PARD3B: variants seen among roughly 807,000 people sequenced by gnomAD.
PARD3B encodes par-3 family cell polarity regulator beta, also known as partitioning defective 3 homolog B.
Under a neutral mutation model 130.2 loss-of-function variants are expected in PARD3B, and 103 were observed. That is an observed-to-expected ratio of 0.79 (90% confidence interval 0.67 to 0.93). The LOEUF (loss-of-function observed/expected upper bound fraction) is 0.93, where lower values mean the gene tolerates loss of function less well. PARD3B is among the 40% of genes least tolerant of loss of function. The pLI is 0.00. For synonymous variants in PARD3B, 583 were observed against 553.2 expected, an observed-to-expected ratio of 1.05 and a Z score of -0.76; for missense variants, 1,609 against 1,499.2, an observed-to-expected ratio of 1.07 and a Z score of -1.21.
chr2:204,750,678 A>ATC (rs1156553038), intron 2 of PARD3B, among the ~76,000 whole-genome samples: 1 of 152,118 alleles, frequency 6.6e-6, no homozygotes, highest in East Asian at 1.9e-4. Context: ...TCATGGTGTC[A>ATC]TCTCATTTCC....
At chr2:205,390,034 A>G (rs539542576) in intron 18 of PARD3B, among the ~76,000 whole-genome samples, 1 of 152,138 alleles carries the variant, frequency 6.6e-6, no homozygotes, top group African/African-American at 2.4e-5. Flanking sequence ...TTTTAATAAC[A>G]GTTTCAAACT....
intron 15 of PARD3B, among the ~76,000 whole-genome samples, chr2:205,231,117 C>T (rs775898126): frequency 2.6e-5 from 4 of 151,926 alleles, no homozygotes; most frequent in Admixed American, 6.6e-5. Flanking sequence ...GATCACTCAC[C>T]TGATTTTTGG....
At chr2:205,115,945 T>G (rs917493760) in intron 6 of PARD3B, among the ~76,000 whole-genome samples, 1 of 152,192 alleles carries the variant, frequency 6.6e-6, no homozygotes, top group African/African-American at 2.4e-5. Flanking sequence ...TTATTTTTTT[T>G]TCTTTTAGAA....
intron 2 of PARD3B, among the ~76,000 whole-genome samples, chr2:204,788,404 G>T (rs550490689): frequency 6.6e-6 from 1 of 152,294 alleles, no homozygotes; most frequent in South Asian, 2.1e-4. Context: ...ATGACAAGCT[G>T]CCTGTTACTC....
intron 2 of PARD3B, among the ~76,000 whole-genome samples, chr2:204,845,634 G>C (rs2044431018): frequency 6.6e-6 from 1 of 152,038 alleles, no homozygotes; most frequent in African/African-American, 2.4e-5. Flanking sequence ...CAGTATAAGA[G>C]TATGGCTGAT....
chr2:204,885,791 C>G (rs1192157943), intron 2 of PARD3B, among the ~76,000 whole-genome samples: 1 of 152,052 alleles, frequency 6.6e-6, no homozygotes, highest in Non-Finnish European at 1.5e-5. Flanking sequence ...GGTGATAACC[C>G]TGAATATTTG....
At chr2:204,863,728 A>G (rs2045304657) in intron 2 of PARD3B, among the ~76,000 whole-genome samples, 1 of 152,232 alleles carries the variant, frequency 6.6e-6, no homozygotes, top group African/African-American at 2.4e-5. Context: ...TGGGATAAGC[A>G]TGGATCTCAA....
At chr2:204,862,959 C>A (rs2125631518) in intron 2 of PARD3B, among the ~76,000 whole-genome samples, 1 of 152,330 alleles carries the variant, frequency 6.6e-6, no homozygotes, top group Non-Finnish European at 1.5e-5. Context: ...ACAGGCTCCT[C>A]CCAACTGCAA....
chr2:204,604,116 G>A (rs1420688474), intron 1 of PARD3B, among the ~76,000 whole-genome samples: 1 of 152,146 alleles, frequency 6.6e-6, no homozygotes, highest in African/African-American at 2.4e-5. Context: ...TTTGTCATTA[G>A]TGACCTCGTT....
In PARD3B at chr2:204,941,011, G is replaced by A. The variant is rs549642966; in HGVS notation, c.223-24141G>A. Among the ~76,000 whole-genome samples the A allele has an allele frequency of 5.9e-5, 9 of 152,274 alleles. No individual in the cohort carries two copies. The South Asian group carries it at 1.0e-3, about 18-fold the overall frequency. On this transcript the variant is annotated intron_variant, in intron 2 of 22. Transcript: ENST00000406610. ...GTTGATGGAGTAGCAGATATTCAGT[G>A]TTGTATGTTCTATTCAATTAACGTG...
At chr2:205,072,500 C>T (rs1437428391) in intron 4 of PARD3B, among the ~76,000 whole-genome samples, 3 of 152,112 alleles carry the variant, frequency 2.0e-5, no homozygotes, top group Admixed American at 6.5e-5. Flanking sequence ...ATCTACCCAC[C>T]GTGGCCTCCC....
At chr2:204,747,094 G>A (rs2040265244) in intron 2 of PARD3B, among the ~76,000 whole-genome samples, 1 of 151,950 alleles carries the variant, frequency 6.6e-6, no homozygotes, top group East Asian at 1.9e-4. Context: ...TTTCTTCTAG[G>A]GTTTTTATGG....
chr2:204,950,202 C>G (rs564682330), intron 2 of PARD3B, among the ~76,000 whole-genome samples: 36 of 152,284 alleles, frequency 2.4e-4, no homozygotes, highest in Middle Eastern at 3.4e-3. Context: ...ACCTGCCCCC[C>G]TCCCCATTTT....
rs2030831823 is a variant in PARD3B, at chr2:205,122,226, A to G, written c.1165+277A>G. ...CCTGATATCAACAGAGCAATATTGTATTACAACTTAATACCAAATAGGCAT... is the reference window on the plus strand; with the variant it reads ...CCTGATATCAACAGAGCAATATTGTGTTACAACTTAATACCAAATAGGCAT... On this transcript the variant is annotated intron_variant, in intron 8 of 22. Transcript: ENST00000406610. This position sits in a 1 kb window ranked among gnomAD's most constrained non-coding sequence, Gnocchi z 4.3. Among the ~76,000 whole-genome samples, 1 of 152,224 alleles carries G rather than the reference A, an allele frequency of 6.6e-6. No individual in the cohort carries two copies. The highest frequency in any genetic ancestry group is 6.5e-5 in the Admixed American group (1 of 15,286).
At chr2:205,606,184 G>A (rs756118600) in intron 22 of PARD3B, among the ~76,000 whole-genome samples, 4 of 151,626 alleles carry the variant, frequency 2.6e-5, no homozygotes. Context: ...GCAGTCTGCA[G>A]CCAAGTGGCC....
chr2:205,442,569 G>A (rs779231393), intron 20 of PARD3B, among the ~76,000 whole-genome samples: 1 of 152,070 alleles, frequency 6.6e-6, no homozygotes, highest in Admixed American at 6.5e-5. Context: ...CCAAAGTGCT[G>A]GGATTTGAGG....
At chr2:205,219,944 C>G (rs1422601713) in intron 15 of PARD3B, among the ~76,000 whole-genome samples, 1 of 152,054 alleles carries the variant, frequency 6.6e-6, no homozygotes, top group Non-Finnish European at 1.5e-5. Flanking sequence ...TTTGTAGGAG[C>G]CACATAACTT....
intron 2 of PARD3B, among the ~76,000 whole-genome samples, chr2:204,797,606 A>C (rs985311064): frequency 3.9e-5 from 6 of 152,252 alleles, no homozygotes; most frequent in Non-Finnish European, 7.3e-5. Flanking sequence ...GGGCAATGAT[A>C]TTAAAAATTA....
intron 13 of PARD3B, among the ~76,000 whole-genome samples, chr2:205,179,125 A>T (rs1202634722): frequency 6.6e-6 from 1 of 152,206 alleles, no homozygotes; most frequent in Non-Finnish European, 1.5e-5. Context: ...TTTACCAAAA[A>T]AGTTTAAAAG....
Sources: allele counts gnomAD v4.1 joint callset (sites outside exome capture counted in the v4.1 genomes callset), GRCh38; gene constraint gnomAD v4.1.1; non-coding constraint Gnocchi (gnomAD v3.1); transcripts MANE v1.5; gene names NCBI Gene and HGNC (gene_info 2026-07-23, HGNC 2026-07-21).